TRHDE: variants seen among roughly 807,000 people sequenced by gnomAD.
TRHDE encodes the protein thyrotropin releasing hormone degrading enzyme.
Under a neutral mutation model 125.7 loss-of-function variants are expected in TRHDE, and 72 were observed. That is an observed-to-expected ratio of 0.57 (90% CI 0.47 to 0.70). The LOEUF (loss-of-function observed/expected upper bound fraction) is 0.70. TRHDE is among the 30% of genes least tolerant of loss of function. TRHDE has a pLI of 0.00. For missense variants in TRHDE, 1,110 were observed against 1,327.1 expected (o/e 0.84, Z 2.54); for synonymous variants, 509 against 509.1 (o/e 1.00, Z 0.00).
intron 3 of TRHDE, among the ~76,000 whole-genome samples, chr12:72,391,069 A>C (rs191978108): frequency 6.6e-6 from 1 of 152,270 alleles, no homozygotes; most frequent in Non-Finnish European, 1.5e-5. Flanking sequence ...TAATCATTTT[A>C]ATAATAAATA....
chr12:72,147,558 A>C (rs1202692044), intron 2 of TRHDE: 1 of 152,214 alleles, frequency 6.6e-6, no homozygotes, highest in Non-Finnish European at 1.5e-5. Flanking sequence ...GCATCTACTT[A>C]TCAGTTGGCT....
intron 3 of TRHDE, among the ~76,000 whole-genome samples, chr12:72,434,059 C>T (rs565282251): frequency 7.9e-5 from 12 of 152,166 alleles, no homozygotes; most frequent in South Asian, 2.1e-4. Flanking sequence ...AGACAATCAC[C>T]GTTCTACTGT....
chr12:72,147,003 C>T (rs1876244296), intron 2 of TRHDE, among the ~76,000 whole-genome samples: 1 of 152,166 alleles, frequency 6.6e-6, no homozygotes, highest in African/African-American at 2.4e-5. Flanking sequence ...ACGGCCCTGG[C>T]CGAACTCCCC....
chr12:72,179,784 A>T (rs1332037664), intron 2 of TRHDE, among the ~76,000 whole-genome samples: 3 of 152,156 alleles, frequency 2.0e-5, no homozygotes, highest in Admixed American at 6.5e-5. Flanking sequence ...AGCAGCTAAC[A>T]CAGTATCTTG....
At chr12:72,169,508 C>G (rs533375035) in intron 2 of TRHDE, among the ~76,000 whole-genome samples, 1 of 152,174 alleles carries the variant, frequency 6.6e-6, no homozygotes, top group Non-Finnish European at 1.5e-5. Flanking sequence ...GGATTTTTCT[C>G]TGTACCAGTG....
At chr12:72,654,782 C>CT (rs1235922533) in intron 17 of TRHDE, among the ~76,000 whole-genome samples, 2 of 152,040 alleles carry the variant, frequency 1.3e-5, no homozygotes, top group African/African-American at 2.4e-5. Context: ...TTATTCCTCT[C>CT]TTTTTTTGTG....
At chr12:72,557,950 AAAGAC>A (rs1337252923) in intron 7 of TRHDE, among the ~76,000 whole-genome samples, 1 of 148,870 alleles carries the variant, frequency 6.7e-6, no homozygotes, top group Non-Finnish European at 1.5e-5. Context: ...TTGCAAAAAG[AAAGAC>A]AAATCACACA....
chr12:72,323,496 G>T (rs1339107668), intron 2 of TRHDE, among the ~76,000 whole-genome samples: 1 of 152,124 alleles, frequency 6.6e-6, no homozygotes, highest in East Asian at 1.9e-4. Context: ...ACTCCATTTA[G>T]GTGGTCATGC....
intron 7 of TRHDE, among the ~76,000 whole-genome samples, chr12:72,556,269 G>A (rs1366505148): frequency 2.0e-5 from 3 of 152,216 alleles, no homozygotes; most frequent in African/African-American, 7.2e-5. Flanking sequence ...CATTAGGGTT[G>A]TATTATGCAA....
At chr12:72,480,403 C>T (rs1017831410) in intron 5 of TRHDE, among the ~76,000 whole-genome samples, 7 of 152,002 alleles carry the variant, frequency 4.6e-5, no homozygotes, top group East Asian at 1.9e-4. Flanking sequence ...TTGCATTTCT[C>T]TGATGGCCAG....
At chr12:72,616,216 A>G (rs924689514) in intron 12 of TRHDE, among the ~76,000 whole-genome samples, 3 of 152,110 alleles carry the variant, frequency 2.0e-5, no homozygotes, top group Admixed American at 1.3e-4. Context: ...TTTTCACACA[A>G]TGCCAGAAGT....
At chr12:72,597,807 A>C (rs1872043320) in intron 12 of TRHDE, among the ~76,000 whole-genome samples, 1 of 145,598 alleles carries the variant, frequency 6.9e-6, no homozygotes, top group South Asian at 2.2e-4. Flanking sequence ...TCTGAAATAG[A>C]AACTATGAGA....
chr12:72,563,181 T>C (rs1020674514), intron 9 of TRHDE, 141 bp downstream of exon 9: 6 of 617,136 alleles, frequency 9.7e-6, no homozygotes, highest in Non-Finnish European at 1.0e-5. Context: ...CACAAGTTAC[T>C]TTGATTCTCC....
chr12:72,177,113 A>G (rs959702670), intron 2 of TRHDE, among the ~76,000 whole-genome samples: 2 of 152,008 alleles, frequency 1.3e-5, no homozygotes, highest in South Asian at 4.1e-4. Context: ...GTGTCGGAGC[A>G]TCACCAAAGG....
At chr12:72,115,512 G>A (rs755316952) in intron 2 of TRHDE, among the ~76,000 whole-genome samples, 3 of 151,998 alleles carry the variant, frequency 2.0e-5, no homozygotes, top group Admixed American at 1.3e-4. Context: ...ATAAACACAA[G>A]AGTTCAGATA....
intron 3 of TRHDE, among the ~76,000 whole-genome samples, chr12:72,467,601 G>A (rs866368025): frequency 2.0e-5 from 3 of 152,124 alleles, no homozygotes; most frequent in Non-Finnish European, 4.4e-5. Context: ...TGGATCACGA[G>A]GTCAGAAGTT....
rs537890088 is a variant in TRHDE, at chr12:72,650,505, A to G, written c.2676-1817A>G. Reference sequence around the variant, plus strand: ...ACATGCCTTTTCTTCTTGAACATTGATATTGGAGATTGGTTCTATAGGTGA... The same window carrying G: ...ACATGCCTTTTCTTCTTGAACATTGGTATTGGAGATTGGTTCTATAGGTGA... On this transcript the variant is annotated intron_variant, in intron 15 of 18. Coordinates refer to ENST00000261180, the MANE Select transcript of TRHDE (RefSeq NM_013381.3). 2.6e-5 allele frequency among the ~76,000 whole-genome samples: 4 copies of G among 151,896 alleles called. No individual in the cohort carries two copies. In the East Asian group the frequency reaches 7.8e-4, roughly 30 times the overall value.
intron 6 of TRHDE, among the ~76,000 whole-genome samples, chr12:72,504,801 T>C (rs1878294773): frequency 6.6e-6 from 1 of 152,206 alleles, no homozygotes; most frequent in South Asian, 2.1e-4. Flanking sequence ...TGAAATGTTG[T>C]ATGTAACACA....
chr12:72,265,742 A>G (rs1166012559), intron 2 of TRHDE, among the ~76,000 whole-genome samples: 6 of 152,018 alleles, frequency 3.9e-5, no homozygotes, highest in African/African-American at 9.7e-5. Context: ...ATTGTGATCT[A>G]GTCTCTAACA....
Sources: gnomAD v4.1 joint callset for allele counts (sites outside exome capture counted in the v4.1 genomes callset) on GRCh38, gnomAD v4.1.1 for gene constraint, MANE v1.5 for transcripts, NCBI Gene and HGNC (gene_info 2026-07-23, HGNC 2026-07-21) for gene names.